Variants in FRMD4B observed in about 807,000 individuals in gnomAD.
FRMD4B encodes the protein FERM domain containing 4B.
FRMD4B carries 74 observed loss-of-function variants against 141.5 expected under a neutral mutation model. That is an observed-to-expected ratio of 0.52 (90% confidence interval 0.43 to 0.63). The LOEUF is 0.63. Among genes scored for constraint, FRMD4B ranks in the 30% least tolerant of loss-of-function variants. The pLI, the probability that FRMD4B is intolerant of heterozygous loss-of-function variation, is 0.00. For synonymous variants in FRMD4B, 506 were observed against 467.9 expected (o/e 1.08, Z -1.05); for missense variants, 1,366 against 1,253.4 (o/e 1.09, Z -1.36).
chr3:69,443,196 C>G (rs900389110), intron 1 of FRMD4B, among the ~76,000 whole-genome samples: 1 of 152,106 alleles, frequency 6.6e-6, no homozygotes, highest in Non-Finnish European at 1.5e-5. Context: ...AGTTCAGTCA[C>G]CAGTGGCCAC....
intron 1 of FRMD4B, among the ~76,000 whole-genome samples, chr3:69,362,702 C>G (rs1703504419): frequency 1.6e-5 from 1 of 62,908 alleles, no homozygotes; most frequent in Admixed American, 1.5e-4. Context: ...AAAAGCCAAC[C>G]CCCCCCCCAA....
chr3:69,446,924 C>T (rs994346369), intron 1 of FRMD4B, among the ~76,000 whole-genome samples: 1 of 152,112 alleles, frequency 6.6e-6, no homozygotes, highest in African/African-American at 2.4e-5. Context: ...TAGGTAGTGA[C>T]TGCTGGAAGT....
chr3:69,280,006 A>AG (rs929671567), intron 5 of FRMD4B, among the ~76,000 whole-genome samples: 3 of 152,120 alleles, frequency 2.0e-5, no homozygotes, highest in East Asian at 3.9e-4. Flanking sequence ...TTTAAAAAAA[A>AG]GGGGGTGTGG....
intron 5 of FRMD4B, among the ~76,000 whole-genome samples, chr3:69,273,189 G>A (rs1290340850): frequency 6.6e-6 from 1 of 152,168 alleles, no homozygotes; most frequent in Non-Finnish European, 1.5e-5. Context: ...AGGATTAACT[G>A]AATTCCCTCA....
At chr3:69,341,971 C>T (rs536367636) in intron 1 of FRMD4B, among the ~76,000 whole-genome samples, 2 of 152,314 alleles carry the variant, frequency 1.3e-5, no homozygotes, top group Admixed American at 6.5e-5. Context: ...AGGCAACACA[C>T]ACAAAGGCCT....
chr3:69,244,667 G>A (rs945334418), intron 7 of FRMD4B, among the ~76,000 whole-genome samples: 4 of 151,992 alleles, frequency 2.6e-5, no homozygotes, highest in Non-Finnish European at 5.9e-5. Context: ...GGCTGACGTG[G>A]GCGGATCACT....
chr3:69,313,734 A>T (rs1032125388), intron 1 of FRMD4B, among the ~76,000 whole-genome samples: 3 of 152,246 alleles, frequency 2.0e-5, no homozygotes, highest in Non-Finnish European at 4.4e-5. Flanking sequence ...TATTGCAAAA[A>T]TAATGTCCAT....
At chr3:69,497,817 C>T (rs1706427560) in intron 1 of FRMD4B, among the ~76,000 whole-genome samples, 1 of 152,116 alleles carries the variant, frequency 6.6e-6, no homozygotes, top group African/African-American at 2.4e-5. Flanking sequence ...AACTCCTGAG[C>T]TCAAGTGATC....
intron 1 of FRMD4B, among the ~76,000 whole-genome samples, chr3:69,345,555 C>A (rs1024333771): frequency 6.6e-6 from 1 of 152,188 alleles, no homozygotes; most frequent in African/African-American, 2.4e-5. Context: ...GGTCCCTGAC[C>A]CCCGAATAGC....
intron 7 of FRMD4B, among the ~76,000 whole-genome samples, chr3:69,241,920 AAG>A (rs34343627): frequency 6.6e-6 from 1 of 152,096 alleles, no homozygotes; most frequent in African/African-American, 2.4e-5. Flanking sequence ...AAAAACAAAA[AAG>A]GAAACCTCTA....
intron 5 of FRMD4B, among the ~76,000 whole-genome samples, chr3:69,280,702 C>T (rs1188949375): frequency 3.9e-5 from 6 of 152,132 alleles, no homozygotes; most frequent in Non-Finnish European, 5.9e-5. Context: ...ACCACTGCAA[C>T]CTCTGCCTCC....
chr3:69,289,656 G>A (rs535403513), intron 4 of FRMD4B, among the ~76,000 whole-genome samples: 5 of 152,210 alleles, frequency 3.3e-5, no homozygotes, highest in South Asian at 2.1e-4. Flanking sequence ...TTAGCTGGGC[G>A]TGGTGGCGGG....
chr3:69,221,980 C>A lies in FRMD4B; in HGVS notation c.666-57G>T, dbSNP rs2093199671. On this transcript the variant is annotated intron_variant, in intron 8 of 22. Coordinates refer to ENST00000398540, the MANE Select transcript of FRMD4B (RefSeq NM_015123.3). ...TGCATGATTATCTGAGGTACAGGCACAGTTTCCACATTATCAGGTGGCTGT... is the reference window on the plus strand; with the variant it reads ...TGCATGATTATCTGAGGTACAGGCAAAGTTTCCACATTATCAGGTGGCTGT... 8 of 883,036 alleles carry A rather than the reference C, an allele frequency of 9.1e-6. No homozygotes were observed. The South Asian group carries it at 1.1e-4, about 13-fold the overall frequency. 54.7% of individuals were successfully genotyped at this position (883,036 alleles called of 1,614,324 possible).
In FRMD4B at chr3:69,187,796, T is replaced by G. The variant is rs1203298290; in HGVS notation, c.1893A>C (p.Glu631Asp). The change falls in exon 19 of 23, where the codon GAA becomes GAC. Residue 631 changes from glutamate (E) to aspartate (D), a missense_variant. Glu to Asp is a conservative substitution (Grantham distance 45). Coordinates refer to ENST00000398540, the MANE Select transcript of FRMD4B (RefSeq NM_015123.3). ...TGGACTGCCTGGTATCCACAAACTGTTCATTGATGGACGACTTTCTGAAAT... is the reference window on the plus strand; with the variant it reads ...TGGACTGCCTGGTATCCACAAACTGGTCATTGATGGACGACTTTCTGAAAT... ...RIHFRKSSIN[E>D]QFVDTRQSRE... The G allele has an allele frequency of 3.1e-6, 5 of 1,612,502 alleles. No individual in the cohort carries two copies. The East Asian group carries it at 8.9e-5, about 29-fold the overall frequency.
At chr3:69,316,126 T>C (rs1701797355) in intron 1 of FRMD4B, among the ~76,000 whole-genome samples, 1 of 152,086 alleles carries the variant, frequency 6.6e-6, no homozygotes, top group Non-Finnish European at 1.5e-5. Context: ...GCTTTAAGAG[T>C]CTGAAAACTA....
At chr3:69,331,033 G>A (rs148659606) in intron 1 of FRMD4B, among the ~76,000 whole-genome samples, 5 of 150,394 alleles carry the variant, frequency 3.3e-5, no homozygotes, top group Admixed American at 6.6e-5. Flanking sequence ...CAGAAGGAAC[G>A]AACGTGTCTT....
chr3:69,336,267 G>T (rs1702549003), intron 1 of FRMD4B, among the ~76,000 whole-genome samples: 1 of 152,200 alleles, frequency 6.6e-6, no homozygotes, highest in African/African-American at 2.4e-5. Context: ...ACTCACAGCA[G>T]CATCAACTGG....
At chr3:69,249,365 T>C (rs2093446567) in intron 6 of FRMD4B, 117 bp from the exon 7 acceptor site, 2 of 671,680 alleles carry the variant, frequency 3.0e-6, no homozygotes, top group Non-Finnish European at 2.6e-6. Context: ...GAAGAGTGTT[T>C]CTCAGGAATG....
At chr3:69,180,873 G>T in intron 21 of FRMD4B, 26 bp downstream of exon 21, 1 of 1,446,994 alleles carries the variant, frequency 6.9e-7, no homozygotes, top group Non-Finnish European at 9.5e-7. Context: ...AAATCCAGGT[G>T]TTGCGTGTTT....
Sources: gnomAD v4.1 joint callset for allele counts (sites outside exome capture counted in the v4.1 genomes callset) on GRCh38, gnomAD v4.1.1 for gene constraint, MANE v1.5 for transcripts, NCBI Gene and HGNC (gene_info 2026-07-23, HGNC 2026-07-21) for gene names.